ANKRD28: variants seen among roughly 807,000 people sequenced by gnomAD.
ANKRD28 encodes ankyrin repeat domain 28, also known as serine/threonine-protein phosphatase 6 regulatory ankyrin repeat subunit A.
Under a neutral mutation model 126.5 loss-of-function variants are expected in ANKRD28, and 44 were observed. The ratio of observed to expected loss-of-function variants is 0.35; its 90% CI spans 0.27 to 0.45. ANKRD28 has a LOEUF of 0.45. Ranked by LOEUF, ANKRD28 falls within the 20% of genes least tolerant of loss-of-function variation. The probability of loss-of-function intolerance (pLI) is 1.00; values close to 1 mark genes in which losing one functional copy is unlikely to be tolerated. For missense variants in ANKRD28, 1,110 were observed against 1,316.6 expected, an observed-to-expected ratio of 0.84 and a Z score of 2.43; for synonymous variants, 442 against 468.5, an observed-to-expected ratio of 0.94 and a Z score of 0.73.
intron 2 of ANKRD28, among the ~76,000 whole-genome samples, chr3:15,781,035 C>A (rs2059514293): frequency 6.7e-6 from 1 of 149,592 alleles, no homozygotes; most frequent in Non-Finnish European, 1.5e-5. Context: ...CCTGAAAGCA[C>A]AAGCAACAAA....
intron 4 of ANKRD28, chr3:15,738,473 G>A (rs937258013): frequency 1.8e-4 from 27 of 152,352 alleles, no homozygotes; most frequent in African/African-American, 6.3e-4. Context: ...ATGAAGTTTT[G>A]GGCACACATT....
intron 5 of ANKRD28, among the ~76,000 whole-genome samples, chr3:15,736,634 G>C (rs1475676818): frequency 1.3e-5 from 2 of 152,184 alleles, no homozygotes; most frequent in African/African-American, 4.8e-5. Flanking sequence ...AAATTGTTTT[G>C]ATGGTTCTGT....
intron 6 of ANKRD28, among the ~76,000 whole-genome samples, chr3:15,725,841 G>A (rs1050481099): frequency 6.6e-6 from 1 of 152,044 alleles, no homozygotes; most frequent in African/African-American, 2.4e-5. Context: ...GTCAGAAGTC[G>A]AGACCAGCCT....
intron 1 of ANKRD28, among the ~76,000 whole-genome samples, chr3:15,850,224 T>TAGAGAGAGAGAGAGAGAGAGAG (rs375278547): frequency 4.8e-4 from 17 of 35,114 alleles, no homozygotes; most frequent in Non-Finnish European, 9.5e-4. Flanking sequence ...TATATATATA[T>TAGAGAGAGAGAGAGAGAGAGAG]AGAGAGAGAG....
In ANKRD28 at chr3:15,812,370, C is replaced by T. The variant is rs2060734674; in HGVS notation, c.28-17064G>A. Among the ~76,000 whole-genome samples the T allele has an allele frequency of 6.6e-6, 1 of 152,040 alleles. No individual in the cohort carries two copies. Among genetic ancestry groups the T allele is most frequent in the Non-Finnish European group, 1.5e-5 (1 of 68,008 alleles). ...CTTAGGTAAATTTAGAAAGGGTTTG[C>T]AGTAACCAATGGAAAAGCACCATCC... On this transcript the variant is annotated intron_variant, in intron 1 of 27. Transcript: ENST00000399451. The surrounding 1 kb of genome is among the most constrained non-coding windows in gnomAD (Gnocchi z 4.1).
chr3:15,739,470 A>G (rs2075286019), intron 4 of ANKRD28, among the ~76,000 whole-genome samples: 1 of 152,154 alleles, frequency 6.6e-6, no homozygotes, highest in Non-Finnish European at 1.5e-5. Context: ...GAAAATGAAA[A>G]CGACCAAAAC....
chr3:15,809,245 C>G (rs1168560400), intron 1 of ANKRD28, among the ~76,000 whole-genome samples: 1 of 152,166 alleles, frequency 6.6e-6, no homozygotes, highest in Admixed American at 6.5e-5. Context: ...TCACAGTGAC[C>G]TAATTCAAAC....
chr3:15,674,895 A>G (rs1232727439), intron 27 of ANKRD28, among the ~76,000 whole-genome samples: 1 of 152,126 alleles, frequency 6.6e-6, no homozygotes, highest in Admixed American at 6.6e-5. Flanking sequence ...AGTAGAAGTC[A>G]TTGGTGGTTT....
chr3:15,776,313 GAAGAC>G (rs1023042512), intron 2 of ANKRD28, among the ~76,000 whole-genome samples: 1 of 152,126 alleles, frequency 6.6e-6, no homozygotes, highest in African/African-American at 2.4e-5. Context: ...ATGTGCATCA[GAAGAC>G]AAGTTTACAA....
intron 21 of ANKRD28, among the ~76,000 whole-genome samples, chr3:15,681,603 A>G (rs1354264899): frequency 6.6e-6 from 1 of 152,178 alleles, no homozygotes; most frequent in East Asian, 1.9e-4. Flanking sequence ...AAGTGATGTT[A>G]TATTTTCTTT....
chr3:15,696,285 C>G (rs1430205319), intron 14 of ANKRD28, 40 bp from the exon 15 acceptor site: 2 of 1,288,526 alleles, frequency 1.6e-6, no homozygotes, highest in East Asian at 5.0e-5. Context: ...ATCCTAAATC[C>G]TGCATATTAA....
At chr3:15,803,220 G>A (rs2060499822) in intron 1 of ANKRD28, among the ~76,000 whole-genome samples, 1 of 152,162 alleles carries the variant, frequency 6.6e-6, no homozygotes, top group African/African-American at 2.4e-5. Flanking sequence ...CGGATTAAAG[G>A]GGTAGAAGAA....
rs553225896 is a variant in ANKRD28, at chr3:15,755,502, C to T, written c.281-3682G>A. On this transcript the variant is annotated intron_variant, in intron 3 of 27. Transcript: ENST00000683139. The stretch of plus-strand genomic sequence containing the variant: ...TCCACACAGAATACTCCAAAGTTAT[C>T]TATATATTCATATATACTTTAAACG... Among the ~76,000 whole-genome samples, 5 of 152,282 alleles carry T rather than the reference C, an allele frequency of 3.3e-5. No homozygotes were observed. In the East Asian group the frequency reaches 7.7e-4, roughly 24 times the overall value.
In ANKRD28 at chr3:15,710,532, C is replaced by T. The variant is rs543561067; in HGVS notation, c.1337+679G>A. Among the ~76,000 whole-genome samples the T allele has an allele frequency of 3.8e-4, 58 of 152,246 alleles. No individual in the cohort carries two copies. The South Asian group carries it at 4.6e-3, about 12-fold the overall frequency. On this transcript the variant is annotated intron_variant, in intron 12 of 27. Coordinates refer to ENST00000683139, the MANE Select transcript of ANKRD28 (RefSeq NM_001349278.2). ...TGGTGTACTCTTGGTTCAACGTACTCGTCCTCTGAAATCACTGAAAATTTT... is the reference window on the plus strand; with the variant it reads ...TGGTGTACTCTTGGTTCAACGTACTTGTCCTCTGAAATCACTGAAAATTTT...
Position 15,695,267 on chromosome 3 carries a change from T to C in ANKRD28, c.1660-53A>G, listed in dbSNP as rs528628405. ...TTAGCTTGGGAAGTATTCATCTATA[T>C]TAAGTCTCAACTTATATAGAGCTTT... is the stretch of plus-strand genomic sequence containing the variant. On this transcript the variant is annotated intron_variant, in intron 15 of 27. Transcript: ENST00000683139. 2.2e-5 allele frequency: 30 copies of C among 1,342,202 alleles called. No homozygotes were observed. The East Asian group carries it at 2.5e-4, about 11-fold the overall frequency. The allele number at this position is 1,342,202 out of a possible 1,614,324, so 83.1% of individuals were successfully genotyped here. A position where few individuals can be genotyped will look rare whatever the true frequency, so the allele number is the denominator to read the frequency against.
rs1035584544 is a variant in ANKRD28, at chr3:15,817,713, G to C, written c.28-22407C>G. Among the ~76,000 whole-genome samples the C allele has an allele frequency of 1.3e-5, 2 of 152,120 alleles. No individual in the cohort carries two copies. Among genetic ancestry groups the C allele is most frequent in the African/African-American group, 4.8e-5 (2 of 41,420 alleles). The stretch of plus-strand genomic sequence containing the variant: ...CAGGAAACCACTAATTTCTTCCTAA[G>C]ATGAGATACAAGCAAGAATGCCTGC... On this transcript the variant is annotated intron_variant, in intron 1 of 27. Coordinates refer to the ANKRD28 transcript ENST00000399451. This position sits in a 1 kb window ranked among gnomAD's most constrained non-coding sequence, Gnocchi z 4.5.
chr3:15,689,941 G>T, intron 18 of ANKRD28, 78 bp downstream of exon 18: 3 of 1,286,982 alleles, frequency 2.3e-6, no homozygotes, highest in South Asian at 1.6e-5. Flanking sequence ...ACAATTAACT[G>T]GAAATATTAT....
chr3:15,688,257 AT>A (rs1368108300), intron 18 of ANKRD28, among the ~76,000 whole-genome samples: 1 of 152,108 alleles, frequency 6.6e-6, no homozygotes, highest in East Asian at 1.9e-4. Context: ...AAATGTACTT[AT>A]TTTTCACAGA....
At chr3:15,802,940 A>G (rs2060493340), upstream of ANKRD28, among the ~76,000 whole-genome samples, 1 of 152,188 alleles carries the variant, frequency 6.6e-6, no homozygotes, top group Non-Finnish European at 1.5e-5. Flanking sequence ...TAAATACTAT[A>G]TGACTGCAAC....
Sources: gnomAD v4.1 joint callset for allele counts (sites outside exome capture counted in the v4.1 genomes callset) on GRCh38, gnomAD v4.1.1 for gene constraint, Gnocchi (gnomAD v3.1) non-coding constraint, MANE v1.5 for transcripts, NCBI Gene and HGNC (gene_info 2026-07-23, HGNC 2026-07-21) for gene names.